The following EHBP1 variants were observed in gnomAD, a reference collection of about 807,000 sequenced individuals.
EHBP1 encodes EH domain binding protein 1, also known as EH domain-binding protein 1.
In EHBP1, 55 loss-of-function variants were observed where a neutral mutation model predicts 144.0. The observed-to-expected ratio is 0.38, with a 90% CI of 0.31 to 0.48. The LOEUF (loss-of-function observed/expected upper bound fraction) is 0.48. Among genes scored for constraint, EHBP1 ranks in the 20% least tolerant of loss-of-function variants. The probability of loss-of-function intolerance (pLI) is 0.98; values close to 1 mark genes in which losing one functional copy is unlikely to be tolerated. For synonymous variants in EHBP1, 469 were observed against 472.7 expected, an observed-to-expected ratio of 0.99 and a Z score of 0.10; for missense variants, 1,200 against 1,364.2, an observed-to-expected ratio of 0.88 and a Z score of 1.90.
intron 10 of EHBP1, among the ~76,000 whole-genome samples, chr2:62,894,921 G>GC: frequency 7.8e-6 from 1 of 127,630 alleles, no homozygotes; most frequent in Non-Finnish European, 1.7e-5. Flanking sequence ...AGCAAAAACA[G>GC]AAAGAAAGAG....
At chr2:62,870,302 A>G (rs1021194888) in intron 9 of EHBP1, among the ~76,000 whole-genome samples, 2 of 152,212 alleles carry the variant, frequency 1.3e-5, no homozygotes, top group South Asian at 2.1e-4. Context: ...TTAACAAAGT[A>G]GAGAAAAAGA....
chr2:62,753,741 A>G (rs1024712008), intron 3 of EHBP1, among the ~76,000 whole-genome samples: 2 of 152,036 alleles, frequency 1.3e-5, no homozygotes, highest in South Asian at 2.1e-4. Context: ...ATTTCATTCA[A>G]TTGACCTGCA....
chr2:62,981,753 A>T (rs1387580086), intron 15 of EHBP1, among the ~76,000 whole-genome samples: 1 of 152,204 alleles, frequency 6.6e-6, no homozygotes, highest in African/African-American at 2.4e-5. Context: ...AGGACAAGTG[A>T]GGACTGGATC....
intron 10 of EHBP1, among the ~76,000 whole-genome samples, chr2:62,919,999 A>G (rs57231725): frequency 0.017 from 2,560 of 152,290 alleles, 64 homozygotes; most frequent in African/African-American, 0.057. Flanking sequence ...GACACCATCA[A>G]CTAAACCAAC....
intron 2 of EHBP1, among the ~76,000 whole-genome samples, chr2:62,714,898 T>A (rs2035517480): frequency 6.6e-6 from 1 of 152,190 alleles, no homozygotes; most frequent in Non-Finnish European, 1.5e-5. Context: ...CTTTGACTTT[T>A]GGGGAGAGGA....
chr2:62,703,680 A>G (rs1001330341), upstream of EHBP1, among the ~76,000 whole-genome samples: 1 of 152,242 alleles, frequency 6.6e-6, no homozygotes, highest in African/African-American at 2.4e-5. Flanking sequence ...TAAAAAGAAG[A>G]GCTGTCATAA....
At chr2:62,729,551 A>G (rs1324915039) in intron 2 of EHBP1, among the ~76,000 whole-genome samples, 2 of 123,060 alleles carry the variant, frequency 1.6e-5, no homozygotes, top group African/African-American at 6.4e-5. Context: ...TATATTATAT[A>G]TAATATATAA....
intron 10 of EHBP1, among the ~76,000 whole-genome samples, chr2:62,885,900 G>A (rs1361102782): frequency 6.6e-6 from 1 of 152,112 alleles, no homozygotes; most frequent in Non-Finnish European, 1.5e-5. Context: ...AACCCTATCT[G>A]TATCTTATGG....
At chr2:63,038,665 C>T in intron 20 of EHBP1, 78 bp from the exon 21 acceptor site, 1 of 1,332,990 alleles carries the variant, frequency 7.5e-7, no homozygotes, top group Non-Finnish European at 1.1e-6. Context: ...GTCCTAAAAT[C>T]AATGTAACCT....
At chr2:62,917,838 C>T (rs2054760210) in intron 10 of EHBP1, among the ~76,000 whole-genome samples, 1 of 151,922 alleles carries the variant, frequency 6.6e-6, no homozygotes, top group Non-Finnish European at 1.5e-5. Flanking sequence ...TGTCTCCCAG[C>T]ACTTTGATTT....
chr2:62,698,319 A>G (rs2034170907), intron 1 of EHBP1, among the ~76,000 whole-genome samples: 1 of 152,242 alleles, frequency 6.6e-6, no homozygotes, highest in Non-Finnish European at 1.5e-5. Flanking sequence ...ACACTGAAGT[A>G]TGCTGGTTAG....
intron 10 of EHBP1, among the ~76,000 whole-genome samples, chr2:62,896,351 G>A (rs1350462417): frequency 6.6e-6 from 1 of 152,216 alleles, no homozygotes; most frequent in Admixed American, 6.5e-5. Context: ...CGTAGGCACT[G>A]CCTGGGATGT....
At chr2:62,826,311 A>G in intron 6 of EHBP1, 43 bp downstream of exon 6, 1 of 1,507,290 alleles carries the variant, frequency 6.6e-7, no homozygotes, top group Non-Finnish European at 8.9e-7. Context: ...ATTGTGTTTC[A>G]GTACACCATA....
chr2:63,038,712 G>T, intron 20 of EHBP1, 31 bp from the exon 21 acceptor site: 2 of 1,586,412 alleles, frequency 1.3e-6, no homozygotes, highest in Non-Finnish European at 1.7e-6. Context: ...TTAGTAATTA[G>T]CATATTGATG....
chr2:62,993,993 G>A lies in EHBP1; in HGVS notation c.2979+16G>A. 1 of 1,523,858 alleles carries A rather than the reference G, an allele frequency of 6.6e-7. No individual in the cohort carries two copies. The highest frequency in any genetic ancestry group is 8.9e-7 in the Non-Finnish European group (1 of 1,125,060). The allele number at this position is 1,523,858 out of a possible 1,614,324, so 94.4% of individuals were successfully genotyped here. ...AGTGCTTAATGTATATTAATTTTTT[G>A]TGTGGTTTCATGATTGCTGATAATT... On this transcript the variant is annotated intron_variant, in intron 18 of 22. Coordinates refer to ENST00000431489, the MANE Select transcript of EHBP1 (RefSeq NM_001142616.3).
At position 62,957,641 on chromosome 2, in the gene EHBP1, C is replaced by CTT. The variant is rs1157397512; in HGVS notation, c.2460+2002_2460+2003dup. ...TAAAATTAATATTTGAAAATAAATG[C>CTT]TTTTTTTTTTTTTTTTTTTTTTGAG... On this transcript the variant is annotated intron_variant, in intron 14 of 22. Transcript: ENST00000431489. Among the ~76,000 whole-genome samples the CTT allele has an allele frequency of 2.9e-3, 257 of 87,150 alleles. 23 individuals carry two copies. Among genetic ancestry groups the CTT allele is most frequent in the African/African-American group, 6.9e-3 (134 of 19,466 alleles). 57.2% of individuals were successfully genotyped at this position (87,150 alleles called of 152,430 possible).
chr2:62,891,133 C>T (rs946689775), intron 10 of EHBP1, among the ~76,000 whole-genome samples: 22 of 149,008 alleles, frequency 1.5e-4, no homozygotes, highest in Non-Finnish European at 8.9e-5. Context: ...GCTGAGATCA[C>T]GCCATTGCAC....
intron 19 of EHBP1, among the ~76,000 whole-genome samples, chr2:63,014,168 G>C (rs1378861645): frequency 6.6e-6 from 1 of 152,216 alleles, no homozygotes; most frequent in East Asian, 1.9e-4. Flanking sequence ...TGCCTGTTGA[G>C]TACAAGTGCT....
At chr2:62,827,888 T>G (rs1005328467) in intron 6 of EHBP1, among the ~76,000 whole-genome samples, 4 of 152,034 alleles carry the variant, frequency 2.6e-5, no homozygotes, top group African/African-American at 9.7e-5. Flanking sequence ...AGGCTGGTCT[T>G]CAACTATTGA....
Sources: allele counts gnomAD v4.1 joint callset (sites outside exome capture counted in the v4.1 genomes callset), GRCh38; gene constraint gnomAD v4.1.1; transcripts MANE v1.5; gene names NCBI Gene and HGNC (gene_info 2026-07-23, HGNC 2026-07-21).